Variants in DYNC2LI1 observed in about 807,000 individuals in gnomAD.
DYNC2LI1 encodes dynein cytoplasmic 2 light intermediate chain 1, also known as cytoplasmic dynein 2 light intermediate chain 1.
DYNC2LI1 carries 45 observed loss-of-function variants against 51.9 expected under a neutral mutation model. The observed-to-expected ratio is 0.87, with a 90% CI of 0.68 to 1.11. The LOEUF (loss-of-function observed/expected upper bound fraction) is 1.11, where lower values mean the gene tolerates loss of function less well. Among genes scored for constraint, DYNC2LI1 ranks in the 50% most tolerant of loss-of-function variants. The pLI is 0.00. For missense variants in DYNC2LI1, 490 were observed against 417.4 expected, an observed-to-expected ratio of 1.17 and a Z score of -1.51; for synonymous variants, 130 against 137.8, an observed-to-expected ratio of 0.94 and a Z score of 0.40.
At chr2:43,792,904 G>T (rs772428321) in intron 5 of DYNC2LI1, 9 of 1,227,714 alleles carry the variant, frequency 7.3e-6, no homozygotes, top group Non-Finnish European at 9.6e-6. Flanking sequence ...GTTAATCCAT[G>T]CAGAACATTT....
intron 12 of DYNC2LI1, chr2:43,805,625 G>T (rs1666223848): frequency 6.4e-6 from 1 of 156,166 alleles, no homozygotes; most frequent in South Asian, 1.9e-4. Flanking sequence ...CTTTGTTTTT[G>T]ATTAGGACAT....
At chr2:43,828,233 C>T in the DYNC2LI1 span, 1 of 1,364,506 alleles carries the variant, frequency 7.3e-7, no homozygotes, top group African/African-American at 1.4e-5. Context: ...GGGCCACTTC[C>T]AGACTCACCA....
the DYNC2LI1 span, chr2:43,822,419 C>G: frequency 1.4e-6 from 1 of 708,062 alleles, no homozygotes; most frequent in Non-Finnish European, 1.7e-6. Flanking sequence ...CCTCTTCCCA[C>G]CCTCTGAATG....
chr2:43,817,941 AAGACACCT>A, the DYNC2LI1 span, among the ~76,000 whole-genome samples: 3 of 152,176 alleles, frequency 2.0e-5, no homozygotes, highest in East Asian at 5.8e-4. Flanking sequence ...AAACACATGT[AAGACACCT>A]AGCCCACCAA....
chr2:43,783,479 G>A (rs765235673), intron 2 of DYNC2LI1, 41 bp from the exon 3 acceptor site: 12 of 1,426,264 alleles, frequency 8.4e-6, no homozygotes, highest in South Asian at 6.7e-5. Context: ...TTTTACATAT[G>A]AGTGACATTA....
chr2:43,783,400 T>G, intron 2 of DYNC2LI1, 120 bp from the exon 3 acceptor site: 1 of 789,758 alleles, frequency 1.3e-6, no homozygotes, highest in Non-Finnish European at 2.0e-6. Flanking sequence ...AGTTTTTAGT[T>G]TCCAGGTAAT....
chr2:43,778,972 T>G lies in DYNC2LI1; in HGVS notation c.126+2073T>G, dbSNP rs1317324231. Among the ~76,000 whole-genome samples, 3 of 152,188 alleles carry G rather than the reference T, an allele frequency of 2.0e-5. No homozygotes were observed. In the East Asian group the frequency reaches 5.8e-4, roughly 29 times the overall value. Reference sequence around the variant, plus strand: ...TATTATTCTTTAAAAAGTCTGTGATTCTGCTGAGTGCAGTAGCTCATGCTT... The same window carrying G: ...TATTATTCTTTAAAAAGTCTGTGATGCTGCTGAGTGCAGTAGCTCATGCTT... On this transcript the variant is annotated intron_variant, in intron 2 of 12. Coordinates refer to ENST00000260605, the MANE Select transcript of DYNC2LI1 (RefSeq NM_016008.4).
At chr2:43,776,310 A>AT (rs887232647) in intron 1 of DYNC2LI1, among the ~76,000 whole-genome samples, 8 of 151,716 alleles carry the variant, frequency 5.3e-5, no homozygotes, top group African/African-American at 1.7e-4. Flanking sequence ...ATTAAACAAA[A>AT]TTTTTTTTTA....
In DYNC2LI1 at chr2:43,789,834, G is replaced by A. The variant is rs996491612; in HGVS notation, c.320+113G>A. On this transcript the variant is annotated intron_variant, in intron 5 of 12. Transcript: ENST00000260605. ...GGGGCACAGTTTTATGTTGCTGAAGGCTTATGCCCACTTCCTTTCTAAATG... is the reference window on the plus strand; with the variant it reads ...GGGGCACAGTTTTATGTTGCTGAAGACTTATGCCCACTTCCTTTCTAAATG... 50 of 793,224 alleles carry A rather than the reference G, an allele frequency of 6.3e-5. No homozygotes were observed. In the African/African-American group the frequency reaches 7.9e-4, roughly 13 times the overall value. The allele number at this position is 793,224 out of a possible 1,614,324, so 49.1% of individuals were successfully genotyped here. A position where few individuals can be genotyped will look rare whatever the true frequency, so the allele number is the denominator to read the frequency against.
At chr2:43,822,468 C>T in the DYNC2LI1 span, 3 of 819,668 alleles carry the variant, frequency 3.7e-6, no homozygotes, top group Admixed American at 7.0e-5. Context: ...TGCTTTCTCC[C>T]CTCCCCCAGG....
the DYNC2LI1 span, among the ~76,000 whole-genome samples, chr2:43,826,163 TTTC>T: frequency 1.3e-5 from 2 of 150,742 alleles, no homozygotes; most frequent in African/African-American, 4.9e-5. Flanking sequence ...TCTTTCTTTC[TTTC>T]TTTTTTTTTT....
the DYNC2LI1 span, among the ~76,000 whole-genome samples, chr2:43,819,634 G>A: frequency 1.1e-4 from 16 of 152,076 alleles, no homozygotes; most frequent in African/African-American, 3.4e-4. Context: ...TGGAACATCC[G>A]GGCTGGTTTT....
chr2:43,794,630 C>T lies in DYNC2LI1; in HGVS notation c.494C>T (p.Pro165Leu), dbSNP rs773981319. The T allele has an allele frequency of 2.6e-5, 42 of 1,613,950 alleles. No homozygotes were observed. Among genetic ancestry groups the T allele is most frequent in the Non-Finnish European group, 3.2e-5 (38 of 1,179,956 alleles). ...AGACAGAAGATCTGGAATAATATGC[C>T]GAAGGATCATCCTGTGAGTTGCTGT... ...EMRQKIWNNM[P>L]KDHPDHELID... Residue 165 changes from proline (P) to leucine (L), a missense_variant, in exon 6 of 13, where the codon CCG (proline) becomes CTG (leucine). Coordinates refer to ENST00000260605, the MANE Select transcript of DYNC2LI1 (RefSeq NM_016008.4).
intron 3 of DYNC2LI1, among the ~76,000 whole-genome samples, chr2:43,785,828 A>G (rs927783901): frequency 2.0e-5 from 3 of 152,092 alleles, no homozygotes; most frequent in Non-Finnish European, 2.9e-5. Flanking sequence ...GGGAAGGGAA[A>G]ATGAGAAGTT....
intron 2 of DYNC2LI1, among the ~76,000 whole-genome samples, chr2:43,777,221 A>G (rs1360135259): frequency 6.6e-6 from 1 of 152,232 alleles, no homozygotes; most frequent in Non-Finnish European, 1.5e-5. Context: ...TAACAATTTT[A>G]TATTTTAGAT....
At chr2:43,802,162 G>A (rs1192382286) in intron 10 of DYNC2LI1, among the ~76,000 whole-genome samples, 2 of 152,036 alleles carry the variant, frequency 1.3e-5, no homozygotes, top group Non-Finnish European at 2.9e-5. Context: ...TTGATTTTTT[G>A]TTATGAAATA....
the DYNC2LI1 span, chr2:43,822,742 C>A: frequency 6.2e-7 from 1 of 1,612,926 alleles, no homozygotes; most frequent in African/African-American, 1.3e-5. Context: ...ACGAGTCCCA[C>A]TAGCTCCATG....
intron 8 of DYNC2LI1, among the ~76,000 whole-genome samples, chr2:43,799,282 G>T (rs898632243): frequency 6.6e-6 from 1 of 152,158 alleles, no homozygotes; most frequent in Admixed American, 6.5e-5. Flanking sequence ...AGCCTGGGAA[G>T]CAGAGCGAGA....
rs1366689455 is a variant in DYNC2LI1 at position 43,789,692 on chromosome 2, C to G, written c.291C>G (p.Ile97Met). 6 of 1,613,766 alleles carry G rather than the reference C, an allele frequency of 3.7e-6. No individual in the cohort carries two copies. Among genetic ancestry groups the G allele is most frequent in the Non-Finnish European group, 5.1e-6 (6 of 1,179,902 alleles). Residue 97 changes from isoleucine to methionine, a missense_variant, in exon 5 of 13, where the codon ATC (isoleucine) becomes ATG (methionine). Coordinates refer to ENST00000260605, the MANE Select transcript of DYNC2LI1 (RefSeq NM_016008.4). ...GAGGAACCTCTTTATTGGACTTAAT[C>G]AGCATACCCATCACAGGTGACACCT... ...LGGGTSLLDLISIPITGDTLR... is the reference protein window; with the variant it reads ...LGGGTSLLDLMSIPITGDTLR...
Sources: allele counts gnomAD v4.1 joint callset (sites outside exome capture counted in the v4.1 genomes callset), GRCh38; gene constraint gnomAD v4.1.1; transcripts MANE v1.5; gene names NCBI Gene and HGNC (gene_info 2026-07-23, HGNC 2026-07-21).